CFDP1: variants seen among roughly 807,000 people sequenced by gnomAD.
CFDP1 encodes heterochromatin-stabilizing protein CFDP1.
CFDP1 carries 31 observed loss-of-function variants against 40.1 expected under a neutral mutation model. That is an observed-to-expected ratio of 0.77 (90% confidence interval 0.58 to 1.04). The LOEUF is 1.04. Ranked by LOEUF, CFDP1 falls within the 50% of genes least tolerant of loss-of-function variation. The pLI, the probability that CFDP1 is intolerant of heterozygous loss-of-function variation, is 0.00. For synonymous variants in CFDP1, 167 were observed against 120.0 expected (o/e 1.39, Z -2.56); for missense variants, 423 against 343.4 (o/e 1.23, Z -1.83).
intron 5 of CFDP1, among the ~76,000 whole-genome samples, chr16:75,317,455 CA>C (rs1162606706): frequency 1.3e-5 from 2 of 152,200 alleles, no homozygotes; most frequent in African/African-American, 2.4e-5. Context: ...TAAAGAAGGC[CA>C]GGGGGCTCTC....
chr16:75,364,152 CAAAA>C (rs199990871), intron 5 of CFDP1, among the ~76,000 whole-genome samples: 8 of 109,224 alleles, frequency 7.3e-5, no homozygotes, highest in African/African-American at 2.1e-4. Flanking sequence ...AACAAACAAA[CAAAA>C]AAAACTATTA....
chr16:75,319,992 T>C (rs1223795152), intron 5 of CFDP1, among the ~76,000 whole-genome samples: 1 of 152,246 alleles, frequency 6.6e-6, no homozygotes, highest in East Asian at 1.9e-4. Flanking sequence ...AGCTGAGCCA[T>C]CTGTAAACCA....
At chr16:75,375,105 A>C (rs1056929632) in intron 5 of CFDP1, among the ~76,000 whole-genome samples, 1 of 151,938 alleles carries the variant, frequency 6.6e-6, no homozygotes, top group Non-Finnish European at 1.5e-5. Context: ...TTCAAGGTAC[A>C]AAAAAAACCT....
intron 5 of CFDP1, among the ~76,000 whole-genome samples, chr16:75,387,594 T>G (rs2078910200): frequency 6.6e-6 from 1 of 152,200 alleles, no homozygotes; most frequent in Non-Finnish European, 1.5e-5. Flanking sequence ...AGTCCTATCC[T>G]GGAACAAATG....
In CFDP1 at chr16:75,398,666, TATGGGAAG is replaced by T. The variant is rs1213063205; in HGVS notation, c.531-3465_531-3458del. Among the ~76,000 whole-genome samples the T allele has an allele frequency of 1.3e-4, 20 of 152,248 alleles. 3 individuals carry two copies. Among genetic ancestry groups the T allele is most frequent in the Admixed American group, 6.5e-4 (10 of 15,288 alleles). On this transcript the variant is annotated intron_variant, in intron 4 of 6. Transcript: ENST00000283882. The stretch of plus-strand genomic sequence containing the variant: ...TGCAGCCACTATGTTGGAGAGATCA[TATGGGAAG>T]ATCACACAGAAACAGACGTCTGAGA...
Position 75,374,870 on chromosome 16 carries a change from T to C in CFDP1, c.650+20220A>G, listed in dbSNP as rs551295184. Among the ~76,000 whole-genome samples, 40 of 152,314 alleles carry C rather than the reference T, an allele frequency of 2.6e-4. 1 individual carries two copies. Among genetic ancestry groups the C allele is most frequent in the Non-Finnish European group, 3.2e-4 (22 of 68,020 alleles). ...AAAATTTAGTGTGTATTTATACCTA[T>C]AGCACATCTCAATTCAGACTGGTGG... On this transcript the variant is annotated intron_variant, in intron 5 of 6. Transcript: ENST00000283882.
rs367568571 is a variant in CFDP1 at position 75,419,008 on chromosome 16, T to TGGC, written c.65-4316_65-4314dup. On this transcript the variant is annotated intron_variant, in intron 1 of 6. Transcript: ENST00000283882. ...TTTTTAAAAAATTAGTCAGGCATGG[T>TGGC]GGCACGCACCTGTAGTTCCATCTAC... is the stretch of plus-strand genomic sequence containing the variant. The TGGC allele has an allele frequency of 7.5e-4, 251 of 333,288 alleles. 2 individuals are homozygous for TGGC. The highest frequency in any genetic ancestry group is 5.3e-3 in the African/African-American group (243 of 45,712). 20.6% of individuals were successfully genotyped at this position (333,288 alleles called of 1,614,324 possible). A position where few individuals can be genotyped will look rare whatever the true frequency, so the allele number is the denominator to read the frequency against.
chr16:75,372,645 T>A (rs1157674288), intron 5 of CFDP1: 1 of 152,252 alleles, frequency 6.6e-6, no homozygotes, highest in African/African-American at 2.4e-5. Context: ...GAAGCCAATC[T>A]ACTTGCTCAA....
In CFDP1 at chr16:75,405,760, A is replaced by AC. The variant is rs1426878369; in HGVS notation, c.530+6064_530+6065insG. Among the ~76,000 whole-genome samples the AC allele has an allele frequency of 1.1e-3, 161 of 150,210 alleles. 1 individual carries two copies. Among genetic ancestry groups the AC allele is most frequent in the Non-Finnish European group, 1.5e-3 (98 of 67,500 alleles). On this transcript the variant is annotated intron_variant, in intron 4 of 6. Transcript: ENST00000283882. ...GTGAGACTCCATCTCAAAAAAAAAA[A>AC]AAAAACAAATGAGCCAGGCGTGGTG... is the stretch of plus-strand genomic sequence containing the variant.
At chr16:75,344,974 A>C (rs912313980) in intron 5 of CFDP1, among the ~76,000 whole-genome samples, 1 of 152,146 alleles carries the variant, frequency 6.6e-6, no homozygotes, top group Non-Finnish European at 1.5e-5. Flanking sequence ...GAACATTTTC[A>C]GGCTGGGTAA....
intron 1 of CFDP1, among the ~76,000 whole-genome samples, chr16:75,431,950 C>T (rs1246145686): frequency 7.1e-6 from 1 of 140,916 alleles, no homozygotes; most frequent in Non-Finnish European, 1.5e-5. Flanking sequence ...CTCGCTCTGT[C>T]ACCCAGGCTG....
At chr16:75,369,737 T>TTTAC (rs1173369210) in intron 5 of CFDP1, among the ~76,000 whole-genome samples, 3 of 152,154 alleles carry the variant, frequency 2.0e-5, no homozygotes, top group Non-Finnish European at 4.4e-5. Flanking sequence ...TGACCAACAC[T>TTTAC]TTACTTACTT....
chr16:75,329,367 C>CCCAGGGACAAGTG, intron 5 of CFDP1, among the ~76,000 whole-genome samples: 1 of 152,286 alleles, frequency 6.6e-6, no homozygotes, highest in East Asian at 1.9e-4. Context: ...GGCAAGTGGA[C>CCCAGGGACAAGTG]CCAGGACTGA....
chr16:75,345,197 C>A (rs2151522310), intron 5 of CFDP1, among the ~76,000 whole-genome samples: 1 of 152,068 alleles, frequency 6.6e-6, no homozygotes, highest in East Asian at 1.9e-4. Flanking sequence ...TGGCTCACAC[C>A]TATAATCCCA....
At chr16:75,414,343 T>C (rs1164157386) in intron 2 of CFDP1, among the ~76,000 whole-genome samples, 1 of 152,254 alleles carries the variant, frequency 6.6e-6, no homozygotes, top group East Asian at 1.9e-4. Flanking sequence ...CTGAATTTTC[T>C]GTTCTAACCA....
Position 75,431,364 on chromosome 16 carries a change from G to T in CFDP1, c.64+1925C>A, listed in dbSNP as rs148634346. Among the ~76,000 whole-genome samples the T allele has an allele frequency of 5.3e-3, 738 of 140,352 alleles. 7 individuals are homozygous for T. The highest frequency in any genetic ancestry group is 0.019 in the African/African-American group (710 of 38,010). The allele number at this position is 140,352 out of a possible 152,430, so 92.1% of individuals were successfully genotyped here. A position where few individuals can be genotyped will look rare whatever the true frequency, so the allele number is the denominator to read the frequency against. Reference sequence around the variant, plus strand: ...AGCTACTCAGGAGGCTGAGGCAAGAGAATGGCGTGAACCCGGGAGGCAGAG... The same window carrying T: ...AGCTACTCAGGAGGCTGAGGCAAGATAATGGCGTGAACCCGGGAGGCAGAG... On this transcript the variant is annotated intron_variant, in intron 1 of 6. Transcript: ENST00000283882.
At chr16:75,402,510 G>A (rs1379833093) in intron 4 of CFDP1, among the ~76,000 whole-genome samples, 1 of 152,134 alleles carries the variant, frequency 6.6e-6, no homozygotes, top group Non-Finnish European at 1.5e-5. Flanking sequence ...AAAATGAAAT[G>A]ATCAAAGCCC....
At chr16:75,297,190 GTGTGTT>G (rs977962872) in intron 6 of CFDP1, among the ~76,000 whole-genome samples, 2 of 151,130 alleles carry the variant, frequency 1.3e-5, no homozygotes, top group African/African-American at 4.9e-5. Context: ...GTGTGTGTGT[GTGTGTT>G]TTTAGTAGAG....
At chr16:75,324,678 G>A (rs1252023319) in intron 5 of CFDP1, 2 of 150,648 alleles carry the variant, frequency 1.3e-5, no homozygotes, top group African/African-American at 4.9e-5. Flanking sequence ...GGGAGGTGGA[G>A]GTTGCAGTGA....
Sources: allele counts gnomAD v4.1 joint callset (sites outside exome capture counted in the v4.1 genomes callset), GRCh38; gene constraint gnomAD v4.1.1; transcripts MANE v1.5; gene names NCBI Gene and HGNC (gene_info 2026-07-23, HGNC 2026-07-21).